The following SPTB variants were observed in gnomAD, a reference collection of about 807,000 sequenced individuals.
SPTB encodes spectrin beta chain, erythrocytic.
In SPTB, 45 loss-of-function variants were observed where a neutral mutation model predicts 256.2. The ratio of observed to expected loss-of-function variants is 0.18; its 90% CI spans 0.14 to 0.23. The LOEUF is 0.23. Among genes scored for constraint, SPTB ranks in the 10% least tolerant of loss-of-function variants. The pLI is 1.00. For synonymous variants in SPTB, 1,231 were observed against 1,243.1 expected, an observed-to-expected ratio of 0.99 and a Z score of 0.21; for missense variants, 2,715 against 3,040.4, an observed-to-expected ratio of 0.89 and a Z score of 2.52.
At chr14:64,800,994 C>T in intron 7 of SPTB, 126 bp from the exon 8 acceptor site, 1 of 771,276 alleles carries the variant, frequency 1.3e-6, no homozygotes, top group Non-Finnish European at 2.3e-6. Flanking sequence ...ACCAACAGAG[C>T]AAGAATGGAA....
chr14:64,775,286 G>A lies in SPTB; in HGVS notation c.4681C>T (p.His1561Tyr), dbSNP rs878914236. The change falls in exon 23 of 36, where the codon CAC becomes TAC. Residue 1561 changes from histidine to tyrosine, a missense_variant. By Grantham distance (83) the His-to-Tyr change is moderately conservative. Coordinates refer to ENST00000644917, the MANE Select transcript of SPTB (RefSeq NM_001355436.2). The surrounding 1 kb of genome is among the most constrained non-coding windows in gnomAD (Gnocchi z 5.0). ...AGCCTGTCCCAGGAGCTCTGCAGGT[G>A]CCCCAGGCGCTCCTCAAGGTCCTGG... ...DCQDLEERLG[H>Y]LQSSWDRLRE... 8 of 1,613,516 alleles carry A rather than the reference G, an allele frequency of 5.0e-6. No individual in the cohort carries two copies. In the South Asian group the frequency reaches 7.7e-5, roughly 16 times the overall value.
intron 15 of SPTB, among the ~76,000 whole-genome samples, chr14:64,789,360 A>T (rs932435114): frequency 2.0e-5 from 3 of 152,180 alleles, no homozygotes; most frequent in Non-Finnish European, 2.9e-5. Flanking sequence ...TCTATAAAAA[A>T]TTAATTAATT....
At chr14:64,782,678 T>C (rs1594770260) in intron 19 of SPTB, 125 bp from the exon 20 acceptor site, 2 of 1,400,698 alleles carry the variant, frequency 1.4e-6, no homozygotes, top group African/African-American at 2.8e-5. Context: ...TCATAGAACA[T>C]GGGTAAGACT....
In SPTB at chr14:64,852,311, A is replaced by G. The variant is rs922201667; in HGVS notation, c.-52+27481T>C. 1.3e-5 allele frequency among the ~76,000 whole-genome samples: 2 copies of G among 152,112 alleles called. No homozygotes were observed. Among genetic ancestry groups the G allele is most frequent in the Non-Finnish European group, 2.9e-5 (2 of 68,018 alleles). On this transcript the variant is annotated intron_variant, in intron 1 of 35. Coordinates refer to ENST00000644917, the MANE Select transcript of SPTB (RefSeq NM_001355436.2). This position sits in a 1 kb window ranked among gnomAD's most constrained non-coding sequence, Gnocchi z 4.2. ...GTGGAGGCATGGAAGGATGGAAGAA[A>G]CAGCCTGGAGATCCTGGGAAACTGC...
intron 32 of SPTB, chr14:64,754,357 A>C: frequency 3.9e-5 from 7 of 180,586 alleles, no homozygotes; most frequent in East Asian, 2.7e-4. Context: ...GAGAACCCAG[A>C]CCCTCCCTGG....
At chr14:64,757,971 G>A (rs76840335) in intron 32 of SPTB, among the ~76,000 whole-genome samples, 12,591 of 152,204 alleles carry the variant, frequency 0.083, 641 homozygotes, top group African/African-American at 0.14. Flanking sequence ...CCCAGGTGTT[G>A]GGTCAGACAG....
intron 2 of SPTB, 149 bp from the exon 3 acceptor site, chr14:64,805,239 T>C (rs1312979745): frequency 2.3e-6 from 2 of 875,760 alleles, no homozygotes; most frequent in Non-Finnish European, 3.6e-6. Flanking sequence ...CTTGGAGCAT[T>C]TGCCATCAAG....
rs748063086 is a variant in SPTB at position 64,782,565 on chromosome 14, AAGG to A, written c.4003-15_4003-13del. 1 of 1,613,214 alleles carries A rather than the reference AAGG, an allele frequency of 6.2e-7. No homozygotes were observed. The highest frequency in any genetic ancestry group is 1.7e-5 in the Admixed American group (1 of 60,016). On this transcript the variant is annotated splice_polypyrimidine_tract_variant and intron_variant, in intron 19 of 35. Transcript: ENST00000644917. ...AGCTGCTTTCCTTCCTAGGGGCAAG[AAGG>A]AGGAGAGCTCACATTCTGGGCTGAC... is the stretch of plus-strand genomic sequence containing the variant.
In SPTB at chr14:64,767,844, T is replaced by C. The variant is rs1406790023; in HGVS notation, c.6038A>G (p.Gln2013Arg). 6 of 1,613,748 alleles carry C rather than the reference T, an allele frequency of 3.7e-6. No homozygotes were observed. Among genetic ancestry groups the C allele is most frequent in the Non-Finnish European group, 5.1e-6 (6 of 1,179,918 alleles). Residue 2013 changes from glutamine to arginine, a missense_variant, in exon 30 of 36, where the codon CAG becomes CGG. Coordinates refer to ENST00000644917, the MANE Select transcript of SPTB (RefSeq NM_001355436.2). ...ERLRMLLEVC[Q>R]FSRDASVAEA... ...AGCCACAGAGGCATCCCTCGAGAAC[T>C]GGCACACCTCCAGCACTGCCAGGGG...
Position 64,785,484 on chromosome 14 carries a change from T to C in SPTB, c.3855+53A>G. 6.6e-7 allele frequency: 1 copy of C among 1,520,506 alleles called. No individual in the cohort carries two copies. Among genetic ancestry groups the C allele is most frequent in the Non-Finnish European group, 9.0e-7 (1 of 1,111,850 alleles). 94.2% of individuals were successfully genotyped at this position (1,520,506 alleles called of 1,614,324 possible). On this transcript the variant is annotated intron_variant, in intron 18 of 35. Coordinates refer to ENST00000644917, the MANE Select transcript of SPTB (RefSeq NM_001355436.2). The surrounding 1 kb of genome is among the most constrained non-coding windows in gnomAD (Gnocchi z 4.4). ...TGGACTTCCTGCCTTGAGGGAACTC[T>C]GCTTCTAGAAAGGAATCTCCAGGAA... is the stretch of plus-strand genomic sequence containing the variant.
rs2082891833 is a variant in SPTB at position 64,801,843 on chromosome 14, A to G, written c.567-9T>C. 1 of 1,613,514 alleles carries G rather than the reference A, an allele frequency of 6.2e-7. No homozygotes were observed. The highest frequency in any genetic ancestry group is 8.5e-7 in the Non-Finnish European group (1 of 1,179,398). On this transcript the variant is annotated splice_polypyrimidine_tract_variant and intron_variant, in intron 5 of 35. Coordinates refer to ENST00000644917, the MANE Select transcript of SPTB (RefSeq NM_001355436.2). ...CATTAACATGAGGGTAGCTGCATCC[A>G]AGAGAAACAGTAAGAGCTAAGAATT... is the stretch of plus-strand genomic sequence containing the variant.
Position 64,778,724 on chromosome 14 carries a change from C to A in SPTB, c.4563+433G>T, listed in dbSNP as rs1211345687. Among the ~76,000 whole-genome samples the A allele has an allele frequency of 1.3e-5, 2 of 152,206 alleles. No homozygotes were observed. Among genetic ancestry groups the A allele is most frequent in the African/African-American group, 4.8e-5 (2 of 41,444 alleles). The stretch of plus-strand genomic sequence containing the variant: ...CGAGAGAAATGGGGCCTACTTACCC[C>A]AAGGACACCACACATGCCAAGCTCA... On this transcript the variant is annotated intron_variant, in intron 22 of 35. Transcript: ENST00000644917. This position sits in a 1 kb window ranked among gnomAD's most constrained non-coding sequence, Gnocchi z 5.2.
intron 1 of SPTB, among the ~76,000 whole-genome samples, chr14:64,843,930 G>A (rs1594836035): frequency 6.6e-6 from 1 of 152,154 alleles, no homozygotes; most frequent in African/African-American, 2.4e-5. Context: ...ACAGAGCTGT[G>A]CATTAGCCTA....
rs1594790275 is a variant in SPTB at position 64,799,919 on chromosome 14, T to C, written c.892A>G (p.Ile298Val). ...KRVGKVIDHA[I>V]ETEKMIEKYS... ...TTTTCAATCATCTTCTCAGTCTCAATGGCATGGTCAATAACCTAAGGAATC... is the reference window on the plus strand; with the variant it reads ...TTTTCAATCATCTTCTCAGTCTCAACGGCATGGTCAATAACCTAAGGAATC... Residue 298 changes from isoleucine (I) to valine (V), a missense_variant, in exon 9 of 36, where the codon ATT (isoleucine) becomes GTT (valine). Transcript: ENST00000644917. 1.2e-6 allele frequency: 2 copies of C among 1,614,256 alleles called. No individual in the cohort carries two copies. The highest frequency in any genetic ancestry group is 4.5e-5 in the East Asian group (2 of 44,888).
intron 7 of SPTB, 88 bp from the exon 8 acceptor site, chr14:64,800,956 C>T: frequency 4.9e-6 from 5 of 1,022,718 alleles, no homozygotes; most frequent in Non-Finnish European, 7.5e-6. Flanking sequence ...CCTCCAGCAT[C>T]AAGTTCAACT....
intron 1 of SPTB, among the ~76,000 whole-genome samples, chr14:64,848,257 T>C (rs1299085203): frequency 3.3e-5 from 5 of 152,246 alleles, no homozygotes; most frequent in African/African-American, 4.8e-5. Flanking sequence ...TCTGGTGTCA[T>C]GATCCAAATC....
At chr14:64,774,050 C>T (rs1017967693) in intron 24 of SPTB, among the ~76,000 whole-genome samples, 7 of 152,186 alleles carry the variant, frequency 4.6e-5, no homozygotes, top group Non-Finnish European at 8.8e-5. Context: ...GTCCTGGAGA[C>T]CTTCTGGACC....
rs1229711458 is a variant in SPTB at position 64,866,800 on chromosome 14, C to T, written c.-52+12992G>A. ...CAAGGTAGTTCCTACTTTGACATGCCTTAAGGACAAACAATAAACAGATTA... is the reference window on the plus strand; with the variant it reads ...CAAGGTAGTTCCTACTTTGACATGCTTTAAGGACAAACAATAAACAGATTA... On this transcript the variant is annotated intron_variant, in intron 1 of 35. Transcript: ENST00000644917. The surrounding 1 kb of genome is among the most constrained non-coding windows in gnomAD (Gnocchi z 4.6). 6.6e-6 allele frequency among the ~76,000 whole-genome samples: 1 copy of T among 152,096 alleles called. No individual in the cohort carries two copies. Among genetic ancestry groups the T allele is most frequent in the East Asian group, 1.9e-4 (1 of 5,192 alleles).
chr14:64,757,970 T>G (rs1594743434), intron 32 of SPTB, among the ~76,000 whole-genome samples: 1 of 152,062 alleles, frequency 6.6e-6, no homozygotes, highest in Non-Finnish European at 1.5e-5. Flanking sequence ...TCCCAGGTGT[T>G]GGGTCAGACA....
Sources: gnomAD v4.1 joint callset for allele counts (sites outside exome capture counted in the v4.1 genomes callset) on GRCh38, gnomAD v4.1.1 for gene constraint, Gnocchi (gnomAD v3.1) non-coding constraint, MANE v1.5 for transcripts, NCBI Gene and HGNC (gene_info 2026-07-23, HGNC 2026-07-21) for gene names.